The following FANK1 variants were observed in gnomAD, a reference collection of about 807,000 sequenced individuals.
FANK1 encodes fibronectin type III and ankyrin repeat domains 1.
A neutral mutation model predicts 45.3 loss-of-function variants in FANK1; 44 were observed. The ratio of observed to expected loss-of-function variants is 0.97; its 90% confidence interval spans 0.76 to 1.25. FANK1 has a LOEUF of 1.25. Ranked by LOEUF, FANK1 falls within the 50% of genes most tolerant of loss-of-function variation. The probability of loss-of-function intolerance (pLI) is 0.00; values close to 1 mark genes in which losing one functional copy is unlikely to be tolerated. For missense variants in FANK1, 391 were observed against 424.4 expected, an observed-to-expected ratio of 0.92 and a Z score of 0.69; for synonymous variants, 149 against 152.5, an observed-to-expected ratio of 0.98 and a Z score of 0.17.
At position 126,009,049 on chromosome 10, in the gene FANK1, T is replaced by C. The variant is rs757485536; in HGVS notation, c.850-5T>C. ...ATGCACACCACCCTGGGTTTTGTTTTCTAGGTGGCTGTGTTAAATAATCAT... is the reference window on the plus strand; with the variant it reads ...ATGCACACCACCCTGGGTTTTGTTTCCTAGGTGGCTGTGTTAAATAATCAT... On this transcript the variant is annotated splice_polypyrimidine_tract_variant and splice_region_variant and intron_variant, in intron 8 of 10. Coordinates refer to ENST00000368693, the MANE Select transcript of FANK1 (RefSeq NM_145235.5). 1.9e-6 allele frequency: 3 copies of C among 1,613,924 alleles called. No individual in the cohort carries two copies. Among genetic ancestry groups the C allele is most frequent in the Non-Finnish European group, 2.5e-6 (3 of 1,179,996 alleles).
At chr10:125,989,443 T>TG in intron 3 of FANK1, 1 of 1,269,916 alleles carries the variant, frequency 7.9e-7, no homozygotes, top group East Asian at 2.5e-5. Context: ...GCATTTGGCT[T>TG]GGAGGTATGT....
chr10:125,947,179 T>A (rs552009999), intron 1 of FANK1, among the ~76,000 whole-genome samples: 19 of 152,084 alleles, frequency 1.2e-4, no homozygotes, highest in Admixed American at 1.2e-3. Context: ...GTAAAGACCA[T>A]CAAGACTAGG....
chr10:126,007,782 T>C (rs1953344097), intron 7 of FANK1, among the ~76,000 whole-genome samples: 1 of 152,244 alleles, frequency 6.6e-6, no homozygotes, highest in East Asian at 1.9e-4. Context: ...TCATTGGAAT[T>C]GGAAGCGACA....
intron 1 of FANK1, among the ~76,000 whole-genome samples, chr10:125,919,195 AT>A (rs142716284): frequency 0.02 from 1,029 of 51,642 alleles, 1 homozygote; most frequent in South Asian, 0.041. Context: ...GGAGGTAAGA[AT>A]TTTTTTTTTT....
chr10:125,995,559 T>A, intron 4 of FANK1, 61 bp downstream of exon 4: 1 of 1,475,362 alleles, frequency 6.8e-7, no homozygotes, highest in Non-Finnish European at 9.5e-7. Context: ...TAGAAATACA[T>A]GCAGTAGTTT....
intron 1 of FANK1, among the ~76,000 whole-genome samples, chr10:125,924,254 G>GTTTT (rs796167530): frequency 7.0e-6 from 1 of 143,876 alleles, no homozygotes; most frequent in Admixed American, 7.0e-5. Flanking sequence ...CTGATGCTTA[G>GTTTT]TTTTTTTTTT....
chr10:125,915,412 G>A (rs1192108431), intron 1 of FANK1, among the ~76,000 whole-genome samples: 1 of 152,198 alleles, frequency 6.6e-6, no homozygotes, highest in Non-Finnish European at 1.5e-5. Flanking sequence ...ACATGGAGAA[G>A]GATTGGCTTT....
intron 6 of FANK1, among the ~76,000 whole-genome samples, chr10:126,003,715 T>C (rs573556010): frequency 5.3e-5 from 8 of 152,136 alleles, no homozygotes; most frequent in South Asian, 2.1e-4. Context: ...TTGCTCTCTC[T>C]CCCAGGTTGG....
chr10:125,988,483 G>A (rs1951711379), intron 2 of FANK1, 68 bp from the exon 3 acceptor site: 8 of 1,566,464 alleles, frequency 5.1e-6, no homozygotes, highest in Non-Finnish European at 6.9e-6. Context: ...CTGCTCTTCT[G>A]CTGTCTTATC....
At chr10:125,987,405 G>GAA (rs748824356) in intron 2 of FANK1, among the ~76,000 whole-genome samples, 1 of 148,696 alleles carries the variant, frequency 6.7e-6, no homozygotes, top group Non-Finnish European at 1.5e-5. Context: ...CTAGAGACAG[G>GAA]AAAAAACAAA....
Position 125,940,579 on chromosome 10 carries a change from C to G in FANK1, c.14-39582C>G, listed in dbSNP as rs1589952786. Among the ~76,000 whole-genome samples the G allele has an allele frequency of 2.6e-5, 4 of 152,206 alleles. No homozygotes were observed. The South Asian group carries it at 6.2e-4, about 24-fold the overall frequency. On this transcript the variant is annotated intron_variant, in intron 1 of 10. Transcript: ENST00000368693. ...GAGACATTCTGTTCCCAGGGGCACGCAGGAGACAGAGGCCTTCCTCTTGTC... is the reference window on the plus strand; with the variant it reads ...GAGACATTCTGTTCCCAGGGGCACGGAGGAGACAGAGGCCTTCCTCTTGTC...
At chr10:125,941,705 G>A (rs1948462341) in intron 1 of FANK1, among the ~76,000 whole-genome samples, 2 of 152,158 alleles carry the variant, frequency 1.3e-5, no homozygotes, top group African/African-American at 4.8e-5. Context: ...ATATAACACA[G>A]CAATGGAAAA....
chr10:125,921,915 A>G (rs1265124496), intron 1 of FANK1, among the ~76,000 whole-genome samples: 1 of 152,002 alleles, frequency 6.6e-6, no homozygotes, highest in Non-Finnish European at 1.5e-5. Flanking sequence ...CAAAGAACCA[A>G]CTTTGGATTT....
chr10:125,928,210 C>T (rs1277134946), intron 1 of FANK1, among the ~76,000 whole-genome samples: 1 of 147,438 alleles, frequency 6.8e-6, no homozygotes, highest in Non-Finnish European at 1.5e-5. Context: ...GTTACCCATT[C>T]TTATGGTTAT....
chr10:125,963,414 A>G (rs1258983851), intron 1 of FANK1, among the ~76,000 whole-genome samples: 1 of 152,234 alleles, frequency 6.6e-6, no homozygotes, highest in African/African-American at 2.4e-5. Context: ...CCAAAGGATT[A>G]TAAATCATGC....
rs533867597 is a variant in FANK1, at chr10:125,971,919, G to T, written c.14-8242G>T. On this transcript the variant is annotated intron_variant, in intron 1 of 10. Transcript: ENST00000368693. The stretch of plus-strand genomic sequence containing the variant: ...TGGGATTACAGGTGTGAGCCACTGC[G>T]CCCGGCCGCTCCGGTCTACATTTTA... Among the ~76,000 whole-genome samples the T allele has an allele frequency of 1.6e-4, 24 of 152,232 alleles. No homozygotes were observed. In the South Asian group the frequency reaches 5.0e-3, roughly 32 times the overall value.
intron 1 of FANK1, among the ~76,000 whole-genome samples, chr10:125,900,754 C>T (rs111493882): frequency 6.6e-6 from 1 of 152,058 alleles, no homozygotes; most frequent in African/African-American, 2.4e-5. Flanking sequence ...CAGGTTCCAG[C>T]GATTCTCCTG....
At chr10:126,009,313 A>G (rs1953483886) in intron 10 of FANK1, 47 bp downstream of exon 10, 2 of 1,613,984 alleles carry the variant, frequency 1.2e-6, no homozygotes, top group South Asian at 1.1e-5. Context: ...TAGTCCTTCT[A>G]GACTCAGAAA....
chr10:125,909,687 T>C (rs1257465973), intron 1 of FANK1, among the ~76,000 whole-genome samples: 2 of 55,600 alleles, frequency 3.6e-5, no homozygotes, highest in Non-Finnish European at 7.0e-5. Context: ...ACCAATTAAC[T>C]TTTTTTTTTT....
Sources: gnomAD v4.1 joint callset for allele counts (sites outside exome capture counted in the v4.1 genomes callset) on GRCh38, gnomAD v4.1.1 for gene constraint, MANE v1.5 for transcripts, NCBI Gene and HGNC (gene_info 2026-07-23, HGNC 2026-07-21) for gene names.